KALRN: variants seen among roughly 807,000 people sequenced by gnomAD.
The protein encoded by KALRN is kalirin.
KALRN carries 70 observed loss-of-function variants against 353.7 expected under a neutral mutation model. That is an observed-to-expected ratio of 0.20 (90% CI 0.16 to 0.24). The LOEUF (loss-of-function observed/expected upper bound fraction) is 0.24. KALRN is among the 10% of genes least tolerant of loss of function. The pLI is 1.00. For missense variants in KALRN, 2,791 were observed against 3,756.7 expected (o/e 0.74, Z 6.72); for synonymous variants, 1,391 against 1,434.8 (o/e 0.97, Z 0.69).
In KALRN at chr3:124,474,787, G is replaced by C. The variant is rs542764501; in HGVS notation, c.4101+55G>C. On this transcript the variant is annotated intron_variant, in intron 26 of 59. Coordinates refer to ENST00000682506, the MANE Select transcript of KALRN (RefSeq NM_001388419.1). ...CCCATACACATGGCACCACTCTTCA[G>C]TGCCTGACCTAAGGACTGGAGTCAT... 4 of 1,362,666 alleles carry C rather than the reference G, an allele frequency of 2.9e-6. No individual in the cohort carries two copies. In the East Asian group the frequency reaches 9.1e-5, roughly 31 times the overall value. 84.4% of individuals were successfully genotyped at this position (1,362,666 alleles called of 1,614,324 possible).
In KALRN at chr3:124,033,590, C is replaced by T. The variant is rs1321757148; in HGVS notation, c.-151C>T. Reference sequence around the variant, plus strand: ...GGCTCAGCGTCCTCTGCCCCAGCCCCGCCGCCCAACGCCCGCCCTCGAAGC... The same window carrying T: ...GGCTCAGCGTCCTCTGCCCCAGCCCTGCCGCCCAACGCCCGCCCTCGAAGC... On this transcript the variant is annotated 5_prime_UTR_variant, in exon 1 of 60. Transcript: ENST00000682506. The surrounding 1 kb of genome is among the most constrained non-coding windows in gnomAD (Gnocchi z 6.2). Among the ~76,000 whole-genome samples, 1 of 151,492 alleles carries T rather than the reference C, an allele frequency of 6.6e-6. No individual in the cohort carries two copies. The highest frequency in any genetic ancestry group is 2.1e-4 in the South Asian group (1 of 4,808).
intron 3 of KALRN, among the ~76,000 whole-genome samples, chr3:124,263,813 C>T (rs2073188106): frequency 6.6e-6 from 1 of 152,104 alleles, no homozygotes; most frequent in Non-Finnish European, 1.5e-5. Flanking sequence ...CAGAACAACA[C>T]CCCTGTCAAG....
At chr3:124,538,058 T>C (rs2109277402) in intron 33 of KALRN, among the ~76,000 whole-genome samples, 1 of 152,386 alleles carries the variant, frequency 6.6e-6, no homozygotes, top group Admixed American at 6.5e-5. Flanking sequence ...TCTTCACATT[T>C]TTGACAAAAG....
chr3:124,524,122 T>TG (rs1174970942), intron 33 of KALRN, among the ~76,000 whole-genome samples: 6 of 152,176 alleles, frequency 3.9e-5, no homozygotes, highest in Non-Finnish European at 8.8e-5. Flanking sequence ...CTAAATCACA[T>TG]GGAGTCATAA....
chr3:124,507,685 A>G (rs2065386497), intron 33 of KALRN, among the ~76,000 whole-genome samples: 1 of 152,202 alleles, frequency 6.6e-6, no homozygotes, highest in Non-Finnish European at 1.5e-5. Context: ...GTATGTGATG[A>G]TAGGGTGGCT....
chr3:124,633,726 A>T (rs652046), intron 35 of KALRN, 126 bp from the exon 36 acceptor site: 1 of 731,324 alleles, frequency 1.4e-6, no homozygotes, highest in Non-Finnish European at 2.3e-6. Flanking sequence ...GGAAATTGCG[A>T]CTGAACAGTT....
chr3:124,329,648 G>A (rs1357586133), intron 7 of KALRN, among the ~76,000 whole-genome samples: 1 of 152,036 alleles, frequency 6.6e-6, no homozygotes, highest in Non-Finnish European at 1.5e-5. Flanking sequence ...TCAATTTTGT[G>A]GAGACTATAC....
At chr3:124,687,676 A>T (rs948476882) in intron 51 of KALRN, among the ~76,000 whole-genome samples, 3 of 112,866 alleles carry the variant, frequency 2.7e-5, no homozygotes, top group Non-Finnish European at 4.5e-5. Flanking sequence ...GAATTTTTTT[A>T]CAAAAATTGA....
intron 33 of KALRN, among the ~76,000 whole-genome samples, chr3:124,525,542 G>A (rs909648194): frequency 1.6e-4 from 25 of 152,252 alleles, no homozygotes; most frequent in East Asian, 1.9e-4. Flanking sequence ...CTGTCACTCC[G>A]AGAGTGACCT....
chr3:124,546,871 G>A (rs1016806901), intron 33 of KALRN, among the ~76,000 whole-genome samples: 5 of 152,174 alleles, frequency 3.3e-5, no homozygotes, highest in African/African-American at 1.2e-4. Context: ...CATATATGCT[G>A]GGGATACATG....
intron 10 of KALRN, among the ~76,000 whole-genome samples, chr3:124,368,754 C>T (rs2085380160): frequency 6.6e-6 from 1 of 150,938 alleles, no homozygotes; most frequent in African/African-American, 2.4e-5. Context: ...CACGCCACTG[C>T]ACTCCAGCCT....
intron 7 of KALRN, among the ~76,000 whole-genome samples, chr3:124,327,685 C>A (rs2080067769): frequency 6.6e-6 from 1 of 152,234 alleles, no homozygotes; most frequent in Admixed American, 6.5e-5. Flanking sequence ...GCTATCACCT[C>A]AGGTGTGTTT....
chr3:124,048,357 T>C (rs1382297219), intron 1 of KALRN, among the ~76,000 whole-genome samples: 1 of 152,214 alleles, frequency 6.6e-6, no homozygotes, highest in Non-Finnish European at 1.5e-5. Context: ...CATATACATC[T>C]TTATACAAAT....
Position 124,295,051 on chromosome 3 carries a change from A to G in KALRN, c.970-3740A>G, listed in dbSNP as rs183308252. Among the ~76,000 whole-genome samples the G allele has an allele frequency of 2.2e-3, 341 of 152,340 alleles. 3 individuals carry two copies. Among genetic ancestry groups the G allele is most frequent in the Middle Eastern group, 6.8e-3 (2 of 294 alleles). On this transcript the variant is annotated intron_variant, in intron 5 of 59. Coordinates refer to ENST00000682506, the MANE Select transcript of KALRN (RefSeq NM_001388419.1). ...CACGCATGCATTCATGTATGCACAC[A>G]TTCTGCCTCTGCAGCCAGTTCCACT...
intron 1 of KALRN, among the ~76,000 whole-genome samples, chr3:124,226,129 G>T (rs1229320191): frequency 6.6e-6 from 1 of 152,160 alleles, no homozygotes; most frequent in Non-Finnish European, 1.5e-5. Flanking sequence ...ATTAGTTAAA[G>T]ATCCTTGATC....
chr3:124,143,299 CCTCT>C (rs1225015688), intron 1 of KALRN, among the ~76,000 whole-genome samples: 1 of 152,084 alleles, frequency 6.6e-6, no homozygotes, highest in Non-Finnish European at 1.5e-5. Context: ...GATGTGTTTC[CCTCT>C]CTATTTTCTG....
At chr3:124,446,632 C>T in intron 20 of KALRN, 131 bp from the exon 21 acceptor site, 1 of 1,142,578 alleles carries the variant, frequency 8.8e-7, no homozygotes, top group East Asian at 2.4e-5. Context: ...TCCAGAGCTA[C>T]ATACCAATCA....
intron 5 of KALRN, among the ~76,000 whole-genome samples, chr3:124,296,362 G>T (rs554391268): frequency 5.3e-5 from 8 of 152,114 alleles, no homozygotes; most frequent in African/African-American, 1.9e-4. Flanking sequence ...CAGAAGCCTG[G>T]CTGTTCTCTC....
intron 39 of KALRN, 127 bp from the exon 40 acceptor site, chr3:124,657,321 C>A (rs1452633568): frequency 1.2e-5 from 8 of 663,870 alleles, no homozygotes; most frequent in Non-Finnish European, 2.1e-5. Flanking sequence ...TAGTGAGAAA[C>A]CACAGAAGCA....
Sources: allele counts gnomAD v4.1 joint callset (sites outside exome capture counted in the v4.1 genomes callset), GRCh38; gene constraint gnomAD v4.1.1; non-coding constraint Gnocchi (gnomAD v3.1); transcripts MANE v1.5; gene names NCBI Gene and HGNC (gene_info 2026-07-23, HGNC 2026-07-21).